SLC44A5: variants seen among roughly 807,000 people sequenced by gnomAD.
SLC44A5 encodes the protein solute carrier family 44 member 5.
Under a neutral mutation model 101.8 loss-of-function variants are expected in SLC44A5, and 57 were observed. The ratio of observed to expected loss-of-function variants is 0.56; its 90% confidence interval spans 0.45 to 0.70. The LOEUF is 0.70. Ranked by LOEUF, SLC44A5 falls within the 30% of genes least tolerant of loss-of-function variation. The probability of loss-of-function intolerance (pLI) is 0.00; values close to 1 mark genes in which losing one functional copy is unlikely to be tolerated. For synonymous variants in SLC44A5, 281 were observed against 290.9 expected (o/e 0.97, Z 0.35); for missense variants, 737 against 853.1 (o/e 0.86, Z 1.70).
chr1:75,430,086 T>C (rs904063692), intron 2 of SLC44A5, among the ~76,000 whole-genome samples: 17 of 152,114 alleles, frequency 1.1e-4, no homozygotes, highest in Non-Finnish European at 2.2e-4. Context: ...CCCCCAACAT[T>C]TATGTGTTGG....
chr1:75,412,459 C>T (rs75554431), intron 2 of SLC44A5, among the ~76,000 whole-genome samples: 2,041 of 152,226 alleles, frequency 0.013, 46 homozygotes, highest in African/African-American at 0.047. Context: ...CTCAATACAG[C>T]AGACCAGGAA....
Position 75,234,027 on chromosome 1 carries a change from A to G in SLC44A5, c.812T>C (p.Phe271Ser). The part of the protein sequence containing the change: ...ILLRFIAGCL[F>S]WVFMIGVIGI... ...AATCACACCAATCATGAAGACCCAG[A>G]AGAGGCATCCAGCTATGAACCTCAG... Residue 271 changes from phenylalanine (F) to serine (S), a missense_variant, in exon 12 of 24, where the codon TTC becomes TCC. By Grantham distance (155) the Phe-to-Ser change is radical. Around this residue, in one of 3 missense-constraint regions of SLC44A5, gnomAD observed 665 missense variants for 764.4 expected, o/e 0.87. Transcript: ENST00000370859. 1 of 1,613,584 alleles carries G rather than the reference A, an allele frequency of 6.2e-7. No homozygotes were observed. Among genetic ancestry groups the G allele is most frequent in the Non-Finnish European group, 8.5e-7 (1 of 1,179,648 alleles).
At chr1:75,339,294 A>C (rs976288936) in intron 4 of SLC44A5, among the ~76,000 whole-genome samples, 5 of 152,204 alleles carry the variant, frequency 3.3e-5, no homozygotes, top group Non-Finnish European at 7.3e-5. Flanking sequence ...AAAGTGGTTA[A>C]ATCTCATAAA....
At chr1:75,580,010 TA>T (rs1673592519) in intron 1 of SLC44A5, among the ~76,000 whole-genome samples, 1 of 152,176 alleles carries the variant, frequency 6.6e-6, no homozygotes, top group Non-Finnish European at 1.5e-5. Flanking sequence ...ATATTTTTAC[TA>T]GTTGGAAATT....
chr1:75,466,820 A>G (rs911486212), intron 2 of SLC44A5, among the ~76,000 whole-genome samples: 6 of 152,174 alleles, frequency 3.9e-5, no homozygotes, highest in African/African-American at 1.4e-4. Context: ...GTTATTCAAC[A>G]TAGTACTGAA....
intron 1 of SLC44A5, among the ~76,000 whole-genome samples, chr1:75,567,309 C>T (rs112065182): frequency 1.6e-4 from 25 of 152,312 alleles, no homozygotes; most frequent in African/African-American, 5.5e-4. Context: ...AGAAGATAGA[C>T]GTCCTGTCCT....
chr1:75,548,887 C>G (rs971579584), intron 1 of SLC44A5, among the ~76,000 whole-genome samples: 1 of 152,062 alleles, frequency 6.6e-6, no homozygotes, highest in African/African-American at 2.4e-5. Context: ...AAGAGACAAA[C>G]AGGAGGTTGG....
At chr1:75,679,527 A>T in the SLC44A5 span, among the ~76,000 whole-genome samples, 1 of 151,848 alleles carries the variant, frequency 6.6e-6, no homozygotes, top group African/African-American at 2.4e-5. Context: ...TCATAAGTGA[A>T]GGAGAAATAA....
At chr1:75,423,411 A>G (rs1193408121) in intron 2 of SLC44A5, among the ~76,000 whole-genome samples, 1 of 152,252 alleles carries the variant, frequency 6.6e-6, no homozygotes, top group Non-Finnish European at 1.5e-5. Context: ...ACACAGAACA[A>G]GAAAGCTGAT....
intron 2 of SLC44A5, among the ~76,000 whole-genome samples, chr1:75,426,734 C>T (rs969110748): frequency 2.0e-5 from 3 of 152,228 alleles, no homozygotes; most frequent in African/African-American, 7.2e-5. Context: ...AGAGCATGGG[C>T]ACCTGCCTTA....
intron 5 of SLC44A5, among the ~76,000 whole-genome samples, chr1:75,289,001 C>A (rs1653308346): frequency 6.6e-6 from 1 of 152,120 alleles, no homozygotes; most frequent in Admixed American, 6.6e-5. Context: ...AATCTTGATG[C>A]CTTATAAAGA....
intron 2 of SLC44A5, among the ~76,000 whole-genome samples, chr1:75,462,115 G>A (rs1666534791): frequency 6.6e-6 from 1 of 152,224 alleles, no homozygotes; most frequent in African/African-American, 2.4e-5. Flanking sequence ...GTCTGACCCA[G>A]GACATTCCTA....
At chr1:75,357,643 G>A (rs1041369677) in intron 3 of SLC44A5, among the ~76,000 whole-genome samples, 1 of 152,136 alleles carries the variant, frequency 6.6e-6, no homozygotes, top group Non-Finnish European at 1.5e-5. Flanking sequence ...CTGCAAGCTG[G>A]ACTTTGAAAG....
intron 2 of SLC44A5, among the ~76,000 whole-genome samples, chr1:75,418,654 C>T (rs1000311660): frequency 6.6e-6 from 1 of 152,094 alleles, no homozygotes; most frequent in African/African-American, 2.4e-5. Context: ...GTAAAAGATG[C>T]ACTTACAAAG....
chr1:75,720,638 C>G, the SLC44A5 span, among the ~76,000 whole-genome samples: 264 of 152,246 alleles, frequency 1.7e-3, 1 homozygote, highest in South Asian at 0.015. Flanking sequence ...AACAAAGAGT[C>G]AAACTTTGTA....
intron 2 of SLC44A5, among the ~76,000 whole-genome samples, chr1:75,501,912 GCTTT>G (rs1251338767): frequency 2.0e-5 from 3 of 152,172 alleles, no homozygotes; most frequent in African/African-American, 7.2e-5. Flanking sequence ...TTAAAAACCT[GCTTT>G]CTGTCTAGGC....
At chr1:75,323,757 G>C (rs1243194014) in intron 4 of SLC44A5, among the ~76,000 whole-genome samples, 2 of 152,128 alleles carry the variant, frequency 1.3e-5, no homozygotes, top group Non-Finnish European at 2.9e-5. Flanking sequence ...TTACAGCTCA[G>C]TTGCTTAACA....
chr1:75,694,148 A>G, the SLC44A5 span, among the ~76,000 whole-genome samples: 1 of 151,642 alleles, frequency 6.6e-6, no homozygotes, highest in Non-Finnish European at 1.5e-5. Context: ...GAAAATAAGA[A>G]TTACTAAAGT....
At chr1:75,415,535 A>T (rs1040496687) in intron 2 of SLC44A5, among the ~76,000 whole-genome samples, 1 of 152,202 alleles carries the variant, frequency 6.6e-6, no homozygotes, top group Non-Finnish European at 1.5e-5. Flanking sequence ...TGATATCAGT[A>T]GAGTGGGGCG....
Sources: allele counts gnomAD v4.1 joint callset (sites outside exome capture counted in the v4.1 genomes callset), GRCh38; gene constraint gnomAD v4.1.1; regional missense constraint gnomAD v4.1.1; transcripts MANE v1.5; gene names NCBI Gene and HGNC (gene_info 2026-07-23, HGNC 2026-07-21).